Variants in GRM8 observed in about 807,000 individuals in gnomAD.
The protein encoded by GRM8 is glutamate metabotropic receptor 8, also known as metabotropic glutamate receptor 8.
Under a neutral mutation model 87.2 loss-of-function variants are expected in GRM8, and 47 were observed. The observed-to-expected ratio is 0.54, with a 90% CI of 0.43 to 0.69. The LOEUF (loss-of-function observed/expected upper bound fraction) is 0.69. Among genes scored for constraint, GRM8 ranks in the 30% least tolerant of loss-of-function variants. The pLI is 0.00. For synonymous variants in GRM8, 396 were observed against 404.5 expected, an observed-to-expected ratio of 0.98 and a Z score of 0.25; for missense variants, 1,019 against 1,139.2, an observed-to-expected ratio of 0.89 and a Z score of 1.52.
intron 3 of GRM8, among the ~76,000 whole-genome samples, chr7:127,056,523 G>A (rs1029877078): frequency 6.6e-6 from 1 of 152,108 alleles, no homozygotes; most frequent in South Asian, 2.1e-4. Flanking sequence ...TTGAACACTG[G>A]GCCCCACAGA....
chr7:126,879,970 G>T (rs1391437532), intron 6 of GRM8, among the ~76,000 whole-genome samples: 2 of 152,032 alleles, frequency 1.3e-5, no homozygotes, highest in African/African-American at 4.8e-5. Context: ...AAACTGAAAA[G>T]GTGTCTAAAA....
intron 3 of GRM8, among the ~76,000 whole-genome samples, chr7:127,097,531 T>C (rs1824785182): frequency 6.6e-6 from 1 of 152,214 alleles, no homozygotes; most frequent in African/African-American, 2.4e-5. Flanking sequence ...TCAAATATCC[T>C]GCACACCAGG....
At chr7:126,908,536 T>C (rs1008822485) in intron 3 of GRM8, among the ~76,000 whole-genome samples, 10 of 152,330 alleles carry the variant, frequency 6.6e-5, no homozygotes, top group African/African-American at 2.4e-4. Flanking sequence ...ATGCTGAGTA[T>C]CATTCTGAGA....
At chr7:127,179,486 T>C (rs931210620) in intron 2 of GRM8, among the ~76,000 whole-genome samples, 1 of 152,110 alleles carries the variant, frequency 6.6e-6, no homozygotes, top group Admixed American at 6.5e-5. Context: ...AACTATACCT[T>C]GGAACAAATA....
At chr7:126,733,410 G>A (rs914157053) in intron 7 of GRM8, among the ~76,000 whole-genome samples, 1 of 149,922 alleles carries the variant, frequency 6.7e-6, no homozygotes, top group Non-Finnish European at 1.5e-5. Context: ...GTTTGGAAAT[G>A]AACAGTGTCT....
At chr7:126,903,271 G>A (rs185498326) in intron 5 of GRM8, among the ~76,000 whole-genome samples, 352 of 152,238 alleles carry the variant, frequency 2.3e-3, no homozygotes, top group African/African-American at 7.9e-3. Context: ...ATAATGTTAA[G>A]ATGGGAATTT....
At chr7:127,219,185 T>C (rs1345745514) in intron 2 of GRM8, among the ~76,000 whole-genome samples, 1 of 151,964 alleles carries the variant, frequency 6.6e-6, no homozygotes, top group Admixed American at 6.5e-5. Flanking sequence ...CAATCATCAT[T>C]AGTAGCAAAT....
intron 3 of GRM8, among the ~76,000 whole-genome samples, chr7:127,041,640 A>G (rs1818439902): frequency 6.6e-6 from 1 of 152,246 alleles, no homozygotes; most frequent in African/African-American, 2.4e-5. Flanking sequence ...ATATGGAGGA[A>G]ACAGACTTTA....
Position 126,533,089 on chromosome 7 carries a change from C to G in GRM8, c.2293G>C (p.Val765Leu), listed in dbSNP as rs142276801. 1 of 1,613,424 alleles carries G rather than the reference C, an allele frequency of 6.2e-7. No individual in the cohort carries two copies. Among genetic ancestry groups the G allele is most frequent in the Non-Finnish European group, 8.5e-7 (1 of 1,179,822 alleles). Residue 765 changes from valine to leucine, a missense_variant, in exon 9 of 11, where the codon GTT becomes CTT. Physicochemically the swap from Val to Leu is conservative, Grantham distance 32 (BLOSUM62 1). Transcript: ENST00000339582. Reference sequence around the variant, plus strand: ...ACACCTCTCGTTTTAATGGCATAAACAGTACAAGTGACCATCAAGAGGATA... The same window carrying G: ...ACACCTCTCGTTTTAATGGCATAAAGAGTACAAGTGACCATCAAGAGGATA... ...YSILLMVTCTVYAIKTRGVPE... is the reference protein window; with the variant it reads ...YSILLMVTCTLYAIKTRGVPE...
intron 2 of GRM8, among the ~76,000 whole-genome samples, chr7:127,122,592 AT>A (rs11348255): frequency 0.7 from 106,500 of 151,606 alleles, 39,180 homozygotes; most frequent in African/African-American, 0.89. Context: ...ATGCCCTTTA[AT>A]TTTTTTTTAA....
At chr7:127,204,734 ATTC>A (rs953933387) in intron 2 of GRM8, among the ~76,000 whole-genome samples, 1 of 152,126 alleles carries the variant, frequency 6.6e-6, no homozygotes, top group Non-Finnish European at 1.5e-5. Flanking sequence ...GCTTCAAATA[ATTC>A]TTTTCATTTC....
chr7:126,626,112 G>A (rs919396488), intron 7 of GRM8, among the ~76,000 whole-genome samples: 1 of 151,902 alleles, frequency 6.6e-6, no homozygotes, highest in African/African-American at 2.4e-5. Context: ...GTGTGTGTGT[G>A]TGTGTGTGTG....
chr7:126,468,914 CT>C (rs1804826874), intron 9 of GRM8, among the ~76,000 whole-genome samples: 1 of 152,152 alleles, frequency 6.6e-6, no homozygotes, highest in African/African-American at 2.4e-5. Flanking sequence ...GCAATACCCC[CT>C]CTTCTCTTAA....
intron 9 of GRM8, among the ~76,000 whole-genome samples, chr7:126,523,215 T>C (rs1813260134): frequency 6.6e-6 from 1 of 152,218 alleles, no homozygotes; most frequent in Non-Finnish European, 1.5e-5. Flanking sequence ...TATGAAAATG[T>C]ACCTTTATGT....
intron 3 of GRM8, among the ~76,000 whole-genome samples, chr7:126,946,259 T>C (rs535908256): frequency 6.6e-6 from 1 of 152,274 alleles, no homozygotes; most frequent in South Asian, 2.1e-4. Flanking sequence ...CCCAGAACAT[T>C]GGGAGGCCAA....
chr7:127,040,048 T>G (rs1217172978), intron 3 of GRM8, among the ~76,000 whole-genome samples: 2 of 16,676 alleles, frequency 1.2e-4, no homozygotes, highest in Admixed American at 5.6e-4. Context: ...GTGAGGAGGG[T>G]GGGGAGGAGG....
chr7:126,798,440 C>T (rs1822237036), intron 6 of GRM8, among the ~76,000 whole-genome samples: 1 of 152,018 alleles, frequency 6.6e-6, no homozygotes, highest in Non-Finnish European at 1.5e-5. Context: ...CCATGGCCAC[C>T]TCATAGTGAT....
chr7:126,744,964 T>A (rs1329934665), intron 7 of GRM8, among the ~76,000 whole-genome samples: 1 of 120,266 alleles, frequency 8.3e-6, no homozygotes, highest in East Asian at 1.9e-4. Context: ...AACATGTAAT[T>A]GATTTATTAT....
chr7:127,092,351 G>A (rs1334452461), intron 3 of GRM8, among the ~76,000 whole-genome samples: 2 of 152,088 alleles, frequency 1.3e-5, no homozygotes, highest in Admixed American at 1.3e-4. Context: ...GGGAAGAGGA[G>A]GGGATGAAGA....
Sources: allele counts gnomAD v4.1 joint callset (sites outside exome capture counted in the v4.1 genomes callset), GRCh38; gene constraint gnomAD v4.1.1; transcripts MANE v1.5; gene names NCBI Gene and HGNC (gene_info 2026-07-23, HGNC 2026-07-21).